KLF8: variants seen among roughly 807,000 people sequenced by gnomAD.
The protein encoded by KLF8 is Krueppel-like factor 8.
A neutral mutation model predicts 18.2 loss-of-function variants in KLF8; 10 were observed. The observed-to-expected ratio is 0.55, with a 90% CI of 0.34 to 0.93. The LOEUF (loss-of-function observed/expected upper bound fraction) is 0.93, where lower values mean the gene tolerates loss of function less well. KLF8 is among the 40% of genes least tolerant of loss of function. The probability of loss-of-function intolerance (pLI) is 0.02; values close to 1 mark genes in which losing one functional copy is unlikely to be tolerated. For missense variants in KLF8, 264 were observed against 277.9 expected, an observed-to-expected ratio of 0.95 and a Z score of 0.36; for synonymous variants, 109 against 97.3, an observed-to-expected ratio of 1.12 and a Z score of -0.71.
chrX:56,048,975 T>G, the KLF8 span, among the ~76,000 whole-genome samples: 7 of 111,391 alleles, frequency 6.3e-5, no homozygotes, highest in East Asian at 2.8e-4. Context: ...CCTTGAAGAG[T>G]TCCTTCACAT....
the KLF8 span, among the ~76,000 whole-genome samples, chrX:56,155,317 A>C: frequency 4.5e-5 from 5 of 111,418 alleles, no homozygotes; most frequent in African/African-American, 1.3e-4. Context: ...GACATGCATG[A>C]AGCTGGAAAC....
At chrX:56,153,951 A>G in the KLF8 span, among the ~76,000 whole-genome samples, 3 of 111,816 alleles carry the variant, frequency 2.7e-5, no homozygotes, top group African/African-American at 9.8e-5. Flanking sequence ...AAATGGAAGA[A>G]CATTCCATGC....
At chrX:55,965,260 A>C in the KLF8 span, among the ~76,000 whole-genome samples, 2 of 112,716 alleles carry the variant, frequency 1.8e-5, no homozygotes, top group African/African-American at 6.4e-5. Context: ...ACATGTGATC[A>C]TCACATAAAC....
the KLF8 span, among the ~76,000 whole-genome samples, chrX:56,045,741 G>C: frequency 9.0e-6 from 1 of 111,414 alleles, no homozygotes; most frequent in Non-Finnish European, 1.9e-5. Flanking sequence ...CTACTGATTT[G>C]TGTACATTAA....
At chrX:56,089,230 G>T in the KLF8 span, among the ~76,000 whole-genome samples, 1 of 111,127 alleles carries the variant, frequency 9.0e-6, no homozygotes, top group East Asian at 2.8e-4. Flanking sequence ...ATCTCATCCA[G>T]AATTTACGGG....
At chrX:56,026,679 T>A in the KLF8 span, among the ~76,000 whole-genome samples, 2 of 111,867 alleles carry the variant, frequency 1.8e-5, no homozygotes, top group Non-Finnish European at 3.8e-5. Flanking sequence ...CTGTACTAAG[T>A]CAACCACAAA....
chrX:56,144,269 G>A, the KLF8 span, among the ~76,000 whole-genome samples: 9 of 111,269 alleles, frequency 8.1e-5, no homozygotes, highest in Admixed American at 2.9e-4. Context: ...ATTTGGGATT[G>A]GATTTTTACA....
chrX:56,080,736 CAG>C, the KLF8 span, among the ~76,000 whole-genome samples: 3 of 111,853 alleles, frequency 2.7e-5, no homozygotes, highest in East Asian at 8.4e-4. Context: ...TAATATCCTG[CAG>C]AGTGTTTTCC....
At chrX:55,920,876 G>A in the KLF8 span, among the ~76,000 whole-genome samples, 3 of 111,647 alleles carry the variant, frequency 2.7e-5, no homozygotes, top group Admixed American at 9.5e-5. Context: ...AAACTTACTC[G>A]GCCATGCTAG....
upstream of KLF8, among the ~76,000 whole-genome samples, chrX:56,230,708 G>C (rs1030293598): frequency 9.0e-6 from 1 of 111,579 alleles, no homozygotes; most frequent in Non-Finnish European, 1.9e-5. Flanking sequence ...GCTTACAACA[G>C]AGTTTAGTAC....
At chrX:56,193,533 C>T in the KLF8 span, among the ~76,000 whole-genome samples, 2 of 112,076 alleles carry the variant, frequency 1.8e-5, no homozygotes, top group Non-Finnish European at 3.8e-5. Flanking sequence ...ATTTATTGCA[C>T]CACTATCAAC....
the KLF8 span, among the ~76,000 whole-genome samples, chrX:56,058,175 T>TAC: frequency 4.4e-5 from 4 of 91,013 alleles, no homozygotes; most frequent in African/African-American, 1.2e-4. Flanking sequence ...TATATATATA[T>TAC]ACACACATAT....
At chrX:56,184,141 C>A in the KLF8 span, among the ~76,000 whole-genome samples, 6 of 112,264 alleles carry the variant, frequency 5.3e-5, no homozygotes, top group Non-Finnish European at 1.1e-4. Flanking sequence ...TGACAGACGG[C>A]ACCTGGAAAA....
chrX:56,196,956 C>A, the KLF8 span, among the ~76,000 whole-genome samples: 1 of 111,974 alleles, frequency 8.9e-6, no homozygotes, highest in South Asian at 3.7e-4. Context: ...CAAAACAGCA[C>A]ACCTACATGG....
At chrX:55,982,527 T>A in the KLF8 span, among the ~76,000 whole-genome samples, 3 of 112,110 alleles carry the variant, frequency 2.7e-5, no homozygotes, top group East Asian at 8.4e-4. Flanking sequence ...CTTCCAATGT[T>A]ACTCTACATT....
At chrX:55,951,655 T>G in the KLF8 span, among the ~76,000 whole-genome samples, 3 of 110,056 alleles carry the variant, frequency 2.7e-5, no homozygotes, top group Admixed American at 9.8e-5. Flanking sequence ...GTTCCAAGTC[T>G]TGGTGGCTAA....
the KLF8 span, among the ~76,000 whole-genome samples, chrX:55,980,914 C>T: frequency 0.086 from 9,685 of 112,117 alleles, 998 homozygotes; most frequent in African/African-American, 0.3. Context: ...TTAAGTAGGC[C>T]GGGCCCGGTG....
the KLF8 span, among the ~76,000 whole-genome samples, chrX:56,150,524 T>A: frequency 3.6e-5 from 4 of 111,861 alleles, no homozygotes; most frequent in Admixed American, 3.8e-4. Flanking sequence ...TTTTGTCAAA[T>A]GAGTAATGTA....
chrX:56,142,580 C>T, the KLF8 span, among the ~76,000 whole-genome samples: 1 of 111,699 alleles, frequency 9.0e-6, no homozygotes, highest in Non-Finnish European at 1.9e-5. Flanking sequence ...CAGCTAAAAC[C>T]ATACCCCTGA....
Sources: allele counts gnomAD v4.1 joint callset (sites outside exome capture counted in the v4.1 genomes callset), GRCh38; gene constraint gnomAD v4.1.1; transcripts MANE v1.5; gene names NCBI Gene and HGNC (gene_info 2026-07-23, HGNC 2026-07-21).